The following ST6GAL2 variants were observed in gnomAD, a reference collection of about 807,000 sequenced individuals.
The protein encoded by ST6GAL2 is beta-galactoside alpha-2,6-sialyltransferase 2.
ST6GAL2 carries 24 observed loss-of-function variants against 37.5 expected under a neutral mutation model. The ratio of observed to expected loss-of-function variants is 0.64; its 90% CI spans 0.46 to 0.90. The LOEUF is 0.90. Among genes scored for constraint, ST6GAL2 ranks in the 40% least tolerant of loss-of-function variants. The pLI is 0.00. For missense variants in ST6GAL2, 715 were observed against 712.7 expected (o/e 1.00, Z -0.04); for synonymous variants, 306 against 295.1 (o/e 1.04, Z -0.38).
At chr2:106,876,986 G>T (rs1250853711) in intron 1 of ST6GAL2, among the ~76,000 whole-genome samples, 2 of 150,976 alleles carry the variant, frequency 1.3e-5, no homozygotes, top group African/African-American at 2.4e-5. Context: ...TCTATTTAGA[G>T]GAAAAAAAAG....
At chr2:106,887,128 TC>T (rs916220965), upstream of ST6GAL2, 1 of 152,206 alleles carries the variant, frequency 6.6e-6, no homozygotes, top group Non-Finnish European at 1.5e-5. Context: ...GTGTACCCTG[TC>T]CAACACCTCC....
intron 1 of ST6GAL2, among the ~76,000 whole-genome samples, chr2:106,846,607 T>G (rs1677153626): frequency 6.6e-6 from 1 of 152,254 alleles, no homozygotes; most frequent in Admixed American, 6.5e-5. Context: ...CTCAGAGGGA[T>G]TCTACAAAAT....
chr2:106,884,938 TACAC>T (rs1553430039), intron 1 of ST6GAL2, among the ~76,000 whole-genome samples: 5 of 123,734 alleles, frequency 4.0e-5, no homozygotes, highest in Admixed American at 1.6e-4. Context: ...TATATATACA[TACAC>T]ACACACACAT....
intron 5 of ST6GAL2, among the ~76,000 whole-genome samples, chr2:106,825,375 T>C (rs1324105763): frequency 6.6e-6 from 1 of 152,214 alleles, no homozygotes; most frequent in Non-Finnish European, 1.5e-5. Flanking sequence ...AAACACATTA[T>C]CCAGCCTGAA....
chr2:106,807,694 T>TCTCGG (rs777378925), intron 5 of ST6GAL2, among the ~76,000 whole-genome samples: 37 of 149,588 alleles, frequency 2.5e-4, no homozygotes, highest in East Asian at 1.8e-3. Context: ...AGTGGCGCGA[T>TCTCGG]CTCACTGCAA....
chr2:106,842,219 GTC>G (rs942971657), intron 2 of ST6GAL2, among the ~76,000 whole-genome samples: 2 of 152,198 alleles, frequency 1.3e-5, no homozygotes, highest in African/African-American at 4.8e-5. Flanking sequence ...AAATAAATCT[GTC>G]TCTGTATAGA....
chr2:106,826,539 C>CAA lies in ST6GAL2; in HGVS notation c.1318+3525_1318+3526dup, dbSNP rs67548358. 8.2e-3 allele frequency among the ~76,000 whole-genome samples: 849 copies of CAA among 103,422 alleles called. 7 individuals carry two copies. The highest frequency in any genetic ancestry group is 0.024 in the African/African-American group (774 of 31,806). The allele number at this position is 103,422 out of a possible 152,430, so 67.8% of individuals were successfully genotyped here. A position where few individuals can be genotyped will look rare whatever the true frequency, so the allele number is the denominator to read the frequency against. On this transcript the variant is annotated intron_variant, in intron 5 of 5. Transcript: ENST00000409382. ...TGAGTAACACAGCGAGACTCCGTCT[C>CAA]AAAAAAAAAAAAAAAAAAATCAGAA...
intron 1 of ST6GAL2, among the ~76,000 whole-genome samples, chr2:106,848,715 T>G (rs1015468506): frequency 3.9e-5 from 6 of 152,190 alleles, no homozygotes; most frequent in Admixed American, 2.6e-4. Context: ...GGATTCAAAT[T>G]ATCAGATGTA....
chr2:106,876,360 T>A (rs954711927), intron 1 of ST6GAL2, among the ~76,000 whole-genome samples: 23 of 152,308 alleles, frequency 1.5e-4, no homozygotes, highest in African/African-American at 5.5e-4. Flanking sequence ...ATAGCAATCC[T>A]GGGGTTTTTA....
chr2:106,882,100 CT>C (rs1678773315), intron 1 of ST6GAL2, among the ~76,000 whole-genome samples: 1 of 152,300 alleles, frequency 6.6e-6, no homozygotes, highest in African/African-American at 2.4e-5. Context: ...AGCTTAAAAC[CT>C]TTTCTGCTTC....
At chr2:106,833,549 T>A (rs2104478475) in intron 3 of ST6GAL2, among the ~76,000 whole-genome samples, 1 of 152,330 alleles carries the variant, frequency 6.6e-6, no homozygotes, top group African/African-American at 2.4e-5. Context: ...TTGCTATAAA[T>A]TTTCAAGGCA....
At chr2:106,823,351 C>T (rs1676076437) in intron 5 of ST6GAL2, among the ~76,000 whole-genome samples, 1 of 151,570 alleles carries the variant, frequency 6.6e-6, no homozygotes, top group Non-Finnish European at 1.5e-5. Context: ...GGCCTACTAA[C>T]CAAGAAACAT....
intron 5 of ST6GAL2, among the ~76,000 whole-genome samples, chr2:106,808,275 G>A (rs1034004030): frequency 2.0e-5 from 3 of 152,174 alleles, no homozygotes; most frequent in African/African-American, 7.2e-5. Flanking sequence ...GGGCTGCCTG[G>A]TGGACAAGGG....
chr2:106,886,447 C>G (rs140937216), upstream of ST6GAL2: 7,594 of 152,212 alleles, frequency 0.05, 246 homozygotes, highest in Middle Eastern at 0.078. Context: ...CAGCGCTGCT[C>G]CGCGCCGGCG....
chr2:106,851,193 A>G (rs1677346088), intron 1 of ST6GAL2, among the ~76,000 whole-genome samples: 1 of 152,094 alleles, frequency 6.6e-6, no homozygotes, highest in African/African-American at 2.4e-5. Flanking sequence ...TTCTATTTCC[A>G]TTCTTTCTCC....
intron 5 of ST6GAL2, among the ~76,000 whole-genome samples, chr2:106,829,139 A>G (rs531733274): frequency 3.2e-4 from 49 of 152,334 alleles, no homozygotes; most frequent in African/African-American, 1.2e-3. Flanking sequence ...CTATGTGAAC[A>G]GGCATGGGTG....
intron 3 of ST6GAL2, among the ~76,000 whole-genome samples, chr2:106,833,704 A>G (rs1178152139): frequency 6.6e-6 from 1 of 152,064 alleles, no homozygotes; most frequent in Non-Finnish European, 1.5e-5. Context: ...TCTCCCCTTT[A>G]TCCTCTGCTT....
rs1486643527 is a variant in ST6GAL2 at position 106,812,908 on chromosome 2, A to G, written c.1319-5959T>C. Among the ~76,000 whole-genome samples, 6 of 152,274 alleles carry G rather than the reference A, an allele frequency of 3.9e-5. No individual in the cohort carries two copies. The East Asian group carries it at 1.2e-3, about 29-fold the overall frequency. ...AAAGCATTTAAGAAACTTTTATGTT[A>G]AGTAATTTTGTTTAAGAACTACAAA... is the stretch of plus-strand genomic sequence containing the variant. On this transcript the variant is annotated intron_variant, in intron 5 of 5. Coordinates refer to ENST00000409382, the MANE Select transcript of ST6GAL2 (RefSeq NM_001142351.2).
At chr2:106,867,948 C>T (rs771040124) in intron 1 of ST6GAL2, among the ~76,000 whole-genome samples, 3 of 152,148 alleles carry the variant, frequency 2.0e-5, no homozygotes, top group Non-Finnish European at 2.9e-5. Flanking sequence ...AATCATAAGT[C>T]ATCTCAAAGA....
Sources: allele counts gnomAD v4.1 joint callset (sites outside exome capture counted in the v4.1 genomes callset), GRCh38; gene constraint gnomAD v4.1.1; transcripts MANE v1.5; gene names NCBI Gene and HGNC (gene_info 2026-07-23, HGNC 2026-07-21).